Variants in SH3D19 observed in about 807,000 individuals in gnomAD.
The protein encoded by SH3D19 is SH3 domain containing 19, also known as SH3 domain-containing protein 19.
Under a neutral mutation model 112.1 loss-of-function variants are expected in SH3D19, and 58 were observed. The ratio of observed to expected loss-of-function variants is 0.52; its 90% CI spans 0.42 to 0.64. SH3D19 has a LOEUF of 0.64. Among genes scored for constraint, SH3D19 ranks in the 30% least tolerant of loss-of-function variants. SH3D19 has a pLI of 0.00. For missense variants in SH3D19, 1,090 were observed against 1,263.4 expected, an observed-to-expected ratio of 0.86 and a Z score of 2.08; for synonymous variants, 391 against 448.5, an observed-to-expected ratio of 0.87 and a Z score of 1.62.
intron 1 of SH3D19, chr4:151,279,182 T>TTG: frequency 1.1e-4 from 37 of 332,802 alleles, no homozygotes; most frequent in Non-Finnish European, 1.7e-4. Context: ...AGTATACAGG[T>TTG]CACCAGCACA....
At position 151,120,980 on chromosome 4, in the gene SH3D19, G is replaced by C. The variant is rs548064171; in HGVS notation, c.*1111C>G. The C allele has an allele frequency of 2.0e-5, 3 of 152,698 alleles. No individual in the cohort carries two copies. In the East Asian group the frequency reaches 5.8e-4, roughly 29 times the overall value. 9.5% of individuals were successfully genotyped at this position (152,698 alleles called of 1,614,324 possible). On this transcript the variant is annotated 3_prime_UTR_variant, in exon 20 of 20. Coordinates refer to ENST00000604030, the MANE Select transcript of SH3D19 (RefSeq NM_001378122.1). ...AAGAACCACTTTTATCTTAAGCTTA[G>C]AATTTATAACAATGGAAAGCAGGAA... is the stretch of plus-strand genomic sequence containing the variant.
chr4:151,156,355 C>T (rs563244581), intron 9 of SH3D19, among the ~76,000 whole-genome samples: 6 of 152,114 alleles, frequency 3.9e-5, no homozygotes, highest in Non-Finnish European at 8.8e-5. Flanking sequence ...CAAAAGGCCC[C>T]GAATAGTCAA....
chr4:151,199,430 G>T (rs984318959), intron 2 of SH3D19, among the ~76,000 whole-genome samples: 3 of 152,172 alleles, frequency 2.0e-5, no homozygotes, highest in Admixed American at 1.3e-4. Flanking sequence ...AGTAGAAAAT[G>T]GCAGGTATGG....
At chr4:151,220,458 TA>T (rs952154568) in intron 2 of SH3D19, among the ~76,000 whole-genome samples, 1 of 152,178 alleles carries the variant, frequency 6.6e-6, no homozygotes, top group African/African-American at 2.4e-5. Flanking sequence ...TTGTAGTAGA[TA>T]AAACATTTGA....
chr4:151,220,557 TA>T (rs1359534201), intron 2 of SH3D19, among the ~76,000 whole-genome samples: 1 of 152,214 alleles, frequency 6.6e-6, no homozygotes, highest in African/African-American at 2.4e-5. Context: ...CTTAATTTTC[TA>T]TTGGTGGCAC....
At chr4:151,129,062 G>A (rs1470463500) in intron 17 of SH3D19, among the ~76,000 whole-genome samples, 1 of 152,212 alleles carries the variant, frequency 6.6e-6, no homozygotes, top group South Asian at 2.1e-4. Context: ...GTAATTATCA[G>A]TGAAGCTCTT....
At chr4:151,146,727 T>G (rs1031251019) in intron 11 of SH3D19, among the ~76,000 whole-genome samples, 4 of 151,222 alleles carry the variant, frequency 2.6e-5, no homozygotes, top group African/African-American at 9.7e-5. Context: ...GAGACAGAGG[T>G]TTCACCACGT....
chr4:151,278,508 T>A (rs1047751704), intron 1 of SH3D19, among the ~76,000 whole-genome samples: 2 of 151,872 alleles, frequency 1.3e-5, no homozygotes, highest in African/African-American at 4.8e-5. Context: ...GTAAGAAAAG[T>A]CTCTAATATA....
At chr4:151,127,784 A>T (rs11099782) in intron 18 of SH3D19, 69 bp from the exon 19 acceptor site, 792,637 of 880,782 alleles carry the variant, frequency 0.9, 362,019 homozygotes, top group Non-Finnish European at 0.95. Flanking sequence ...AACATTTTTT[A>T]AAAAAAAACG....
At chr4:151,242,682 C>T (rs1770655360) in intron 1 of SH3D19, among the ~76,000 whole-genome samples, 2 of 152,120 alleles carry the variant, frequency 1.3e-5, no homozygotes, top group African/African-American at 4.8e-5. Context: ...AGAAGCACAG[C>T]TTTTATATGA....
intron 2 of SH3D19, among the ~76,000 whole-genome samples, chr4:151,206,094 C>A (rs1445542601): frequency 6.6e-6 from 1 of 152,190 alleles, no homozygotes; most frequent in Non-Finnish European, 1.5e-5. Context: ...TTTCACTGAA[C>A]ATCCCATGGC....
At position 151,176,884 on chromosome 4, in the gene SH3D19, G is replaced by A. The variant is rs1760031046; in HGVS notation, c.308C>T (p.Pro103Leu). The A allele has an allele frequency of 1.6e-6, 2 of 1,232,208 alleles. No individual in the cohort carries two copies. The highest frequency in any genetic ancestry group is 3.1e-5 in the African/African-American group (2 of 64,558). 76.3% of individuals were successfully genotyped at this position (1,232,208 alleles called of 1,614,324 possible). A position where few individuals can be genotyped will look rare whatever the true frequency, so the allele number is the denominator to read the frequency against. ...PASWFPGTPP[P>L]GLGFPTSSAA... ...AGATGATGTAGGAAATCCCAGTCCT[G>A]GGGGTGGGGTTCCTGGAAACCACGA... Residue 103 changes from proline to leucine, a missense_variant, in exon 5 of 20, where the codon CCA becomes CTA. Pro to Leu is a moderately conservative substitution (Grantham distance 98, BLOSUM62 -3). Transcript: ENST00000604030.
At chr4:151,298,458 G>A (rs1010630880) in intron 1 of SH3D19, among the ~76,000 whole-genome samples, 25 of 63,976 alleles carry the variant, frequency 3.9e-4, no homozygotes, top group Non-Finnish European at 7.5e-4. Context: ...TTACAGGCGT[G>A]AGCCACCGCG....
At chr4:151,198,814 C>T (rs1384755569) in intron 2 of SH3D19, among the ~76,000 whole-genome samples, 1 of 152,156 alleles carries the variant, frequency 6.6e-6, no homozygotes, top group Non-Finnish European at 1.5e-5. Context: ...TAAGGAGTTA[C>T]TGTTATAAAG....
intron 4 of SH3D19, 105 bp from the exon 5 acceptor site, chr4:151,177,060 G>GT (rs2149830689): frequency 9.9e-7 from 1 of 1,005,804 alleles, no homozygotes; most frequent in South Asian, 5.2e-5. Context: ...CAAAAAAGTT[G>GT]TAAGAACTAA....
chr4:151,286,184 GAA>G (rs56850648), intron 1 of SH3D19, among the ~76,000 whole-genome samples: 88 of 86,624 alleles, frequency 1.0e-3, no homozygotes, highest in Middle Eastern at 0.014. Flanking sequence ...CTGTCTTAAA[GAA>G]AAAAAAAAAA....
chr4:151,178,228 T>C (rs114123736), intron 4 of SH3D19, among the ~76,000 whole-genome samples: 46 of 152,362 alleles, frequency 3.0e-4, no homozygotes, highest in African/African-American at 1.0e-3. Context: ...TTAAACCTGA[T>C]TTCCTAACAA....
intron 1 of SH3D19, among the ~76,000 whole-genome samples, chr4:151,294,234 C>A (rs1775549789): frequency 1.3e-5 from 2 of 152,196 alleles, no homozygotes; most frequent in African/African-American, 4.8e-5. Flanking sequence ...CCTAACTGTA[C>A]TGTGAGAACC....
At chr4:151,271,192 C>G (rs368543632) in intron 1 of SH3D19, among the ~76,000 whole-genome samples, 1 of 152,142 alleles carries the variant, frequency 6.6e-6, no homozygotes, top group Non-Finnish European at 1.5e-5. Context: ...CCCCAAAGGC[C>G]TAGGATTATA....
Sources: gnomAD v4.1 joint callset for allele counts (sites outside exome capture counted in the v4.1 genomes callset) on GRCh38, gnomAD v4.1.1 for gene constraint, MANE v1.5 for transcripts, NCBI Gene and HGNC (gene_info 2026-07-23, HGNC 2026-07-21) for gene names.